The following PIEZO1 variants were observed in gnomAD, a reference collection of about 807,000 sequenced individuals.
PIEZO1 encodes piezo-type mechanosensitive ion channel component 1.
Under a neutral mutation model 297.2 loss-of-function variants are expected in PIEZO1, and 296 were observed. That is an observed-to-expected ratio of 1.00 (90% confidence interval 0.91 to 1.10). PIEZO1 has a LOEUF of 1.10. Among genes scored for constraint, PIEZO1 ranks in the 50% least tolerant of loss-of-function variants. PIEZO1 has a pLI of 0.00. For missense variants in PIEZO1, 5,018 were observed against 3,455.5 expected (o/e 1.45, Z -11.34); for synonymous variants, 2,427 against 1,507.5 (o/e 1.61, Z -14.13).
intron 29 of PIEZO1, 142 bp from the exon 30 acceptor site, chr16:88,725,222 G>T (rs990735161): frequency 2.8e-6 from 2 of 709,830 alleles, no homozygotes; most frequent in East Asian, 2.9e-5. Flanking sequence ...GGGCCATGGG[G>T]CTCAGAGCCC....
intron 27 of PIEZO1, chr16:88,726,000 G>A (rs537824703): frequency 1.2e-5 from 7 of 565,326 alleles, no homozygotes; most frequent in South Asian, 4.4e-5. Context: ...TGGCCCTCCC[G>A]CTGGTGGAGA....
chr16:88,756,947 G>A (rs557813213), intron 1 of PIEZO1, among the ~76,000 whole-genome samples: 1 of 152,120 alleles, frequency 6.6e-6, no homozygotes, highest in East Asian at 1.9e-4. Context: ...GTGGTGGCGG[G>A]CACCTGTAGT....
At chr16:88,769,156 C>G (rs1186935777) in intron 1 of PIEZO1, among the ~76,000 whole-genome samples, 1 of 152,234 alleles carries the variant, frequency 6.6e-6, no homozygotes, top group Non-Finnish European at 1.5e-5. Flanking sequence ...GGATGGGACT[C>G]AACACAAAAT....
Position 88,737,345 on chromosome 16 carries a change from G to A in PIEZO1, c.1195+214C>T, listed in dbSNP as rs562474820. 3.9e-5 allele frequency: 21 copies of A among 535,888 alleles called. No homozygotes were observed. In the African/African-American group the frequency reaches 4.1e-4, roughly 10 times the overall value. The allele number at this position is 535,888 out of a possible 1,614,324, so 33.2% of individuals were successfully genotyped here. The stretch of plus-strand genomic sequence containing the variant: ...GACGCGGCCACTCAGCTGCCCTGGG[G>A]GTCTTGGGGGTTGGTCAGTGACATG... On this transcript the variant is annotated intron_variant, in intron 10 of 50. Transcript: ENST00000301015.
Position 88,720,452 on chromosome 16 carries a change from T to A in PIEZO1, c.5882A>T (p.Tyr1961Phe). 6.4e-7 allele frequency: 1 copy of A among 1,550,404 alleles called. No homozygotes were observed. Residue 1961 changes from tyrosine to phenylalanine, a missense_variant, in exon 41 of 51, where the codon TAT becomes TTT. Transcript: ENST00000301015. ...HTKYRAATDV[Y>F]ALMFLADVVD... ...AACATCAGCCAGGAACATGAGGGCA[T>A]AGACGTCGGTGGCTGCGCGGTACTT...
Position 88,733,894 on chromosome 16 carries a change from C to A in PIEZO1, c.2329+12G>T. 1 of 1,482,748 alleles carries A rather than the reference C, an allele frequency of 6.7e-7. No homozygotes were observed. Among genetic ancestry groups the A allele is most frequent in the Non-Finnish European group, 9.0e-7 (1 of 1,109,966 alleles). The allele number at this position is 1,482,748 out of a possible 1,614,324, so 91.8% of individuals were successfully genotyped here. Reference sequence around the variant, plus strand: ...GACTGGGTGGCAGCTGTGCTCTGCCCGCCCAACCCACCTTCAGGCACCTGC... The same window carrying A: ...GACTGGGTGGCAGCTGTGCTCTGCCAGCCCAACCCACCTTCAGGCACCTGC... On this transcript the variant is annotated intron_variant, in intron 17 of 50. Coordinates refer to ENST00000301015, the MANE Select transcript of PIEZO1 (RefSeq NM_001142864.4).
chr16:88,742,505 C>A, intron 2 of PIEZO1, 83 bp from the exon 3 acceptor site: 1 of 1,428,118 alleles, frequency 7.0e-7, no homozygotes, highest in Non-Finnish European at 9.4e-7. Context: ...CAATAGCCCC[C>A]AGCCCGGCCA....
chr16:88,770,652 G>A (rs372103680), intron 1 of PIEZO1, among the ~76,000 whole-genome samples: 3 of 152,180 alleles, frequency 2.0e-5, no homozygotes, highest in Non-Finnish European at 4.4e-5. Context: ...GCCAGCTGCC[G>A]AGCACGTCCA....
chr16:88,722,826 G>C lies in PIEZO1; in HGVS notation c.4668+11C>G. On this transcript the variant is annotated intron_variant, in intron 34 of 50. Transcript: ENST00000301015. ...AGAGCAGGGACGAGCGTGGTGCACG[G>C]GCAGGCTCACCTGCAGGAGCTCCTG... 6.5e-7 allele frequency: 1 copy of C among 1,543,132 alleles called. No individual in the cohort carries two copies. The highest frequency in any genetic ancestry group is 2.4e-5 in the East Asian group (1 of 40,868).
rs1372797289 is a variant in PIEZO1, at chr16:88,731,497, C to G, written c.3196+209G>C. On this transcript the variant is annotated intron_variant, in intron 22 of 50. Transcript: ENST00000301015. ...TACTGGGCAAAAAAGGAAAAGAGAA[C>G]AGCAGAGCCTGGAGGGGGCCAGGCC... 9 of 578,070 alleles carry G rather than the reference C, an allele frequency of 1.6e-5. No individual in the cohort carries two copies. The South Asian group carries it at 2.0e-4, about 13-fold the overall frequency. The allele number at this position is 578,070 out of a possible 1,614,324, so 35.8% of individuals were successfully genotyped here.
chr16:88,726,523 C>T (rs528835968), intron 26 of PIEZO1, 24 bp downstream of exon 26: 2 of 1,547,160 alleles, frequency 1.3e-6, no homozygotes, highest in East Asian at 4.9e-5. Context: ...CACGCCCTCC[C>T]CCGCCACCGT....
At chr16:88,763,008 A>ATGG (rs1264277629) in intron 1 of PIEZO1, among the ~76,000 whole-genome samples, 3 of 152,050 alleles carry the variant, frequency 2.0e-5, no homozygotes, top group Admixed American at 6.5e-5. Flanking sequence ...ATGAGCAGCC[A>ATGG]TCATGGGGGT....
Position 88,722,707 on chromosome 16 carries a change from G to C in PIEZO1, c.4669-18C>G. Reference sequence around the variant, plus strand: ...TCGCCGCCCTGCAGGGCACAGCAGGGGGCTCAGGGCTGCGTCCAGCTCTTG... The same window carrying C: ...TCGCCGCCCTGCAGGGCACAGCAGGCGGCTCAGGGCTGCGTCCAGCTCTTG... On this transcript the variant is annotated intron_variant, in intron 34 of 50. Coordinates refer to ENST00000301015, the MANE Select transcript of PIEZO1 (RefSeq NM_001142864.4). 1 of 1,534,112 alleles carries C rather than the reference G, an allele frequency of 6.5e-7. No homozygotes were observed.
intron 1 of PIEZO1, among the ~76,000 whole-genome samples, chr16:88,779,172 G>A (rs552599551): frequency 2.6e-5 from 4 of 151,842 alleles, no homozygotes; most frequent in Non-Finnish European, 4.4e-5. Flanking sequence ...CTTCCCAGCT[G>A]GGAATACAGG....
chr16:88,746,359 G>C (rs912133068), intron 2 of PIEZO1, among the ~76,000 whole-genome samples: 4 of 152,124 alleles, frequency 2.6e-5, no homozygotes, highest in Non-Finnish European at 4.4e-5. Context: ...GGCAGGATGG[G>C]GCTTCTGAGT....
intron 1 of PIEZO1, among the ~76,000 whole-genome samples, chr16:88,780,006 T>A (rs987479071): frequency 1.3e-5 from 2 of 152,070 alleles, no homozygotes; most frequent in Non-Finnish European, 2.9e-5. Flanking sequence ...TTTTACGGTG[T>A]CACTTACAGG....
intron 34 of PIEZO1, 32 bp from the exon 35 acceptor site, chr16:88,722,721 G>T: frequency 6.5e-7 from 1 of 1,530,588 alleles, no homozygotes; most frequent in South Asian, 1.2e-5. Flanking sequence ...TCAGGGCTGC[G>T]TCCAGCTCTT....
chr16:88,779,930 C>A (rs1365106572), intron 1 of PIEZO1, among the ~76,000 whole-genome samples: 1 of 152,220 alleles, frequency 6.6e-6, no homozygotes, highest in Non-Finnish European at 1.5e-5. Flanking sequence ...CCGCCCCTAC[C>A]CCCACCCAGC....
At chr16:88,727,432 G>A (rs1333229002) in intron 23 of PIEZO1, 125 bp downstream of exon 23, 2 of 643,472 alleles carry the variant, frequency 3.1e-6, no homozygotes, top group Non-Finnish European at 5.4e-6. Context: ...AGGGCCTGCA[G>A]GCCGCCATGT....
Sources: allele counts gnomAD v4.1 joint callset (sites outside exome capture counted in the v4.1 genomes callset), GRCh38; gene constraint gnomAD v4.1.1; transcripts MANE v1.5; gene names NCBI Gene and HGNC (gene_info 2026-07-23, HGNC 2026-07-21).